A2ML1: variants seen among roughly 807,000 people sequenced by gnomAD.
A2ML1 encodes the protein alpha-2-macroglobulin like 1.
Under a neutral mutation model 181.9 loss-of-function variants are expected in A2ML1, and 161 were observed. The observed-to-expected ratio is 0.89, with a 90% CI of 0.78 to 1.01. A2ML1 has a LOEUF of 1.01. Ranked by LOEUF, A2ML1 falls within the 50% of genes least tolerant of loss-of-function variation. A2ML1 has a pLI of 0.00. For missense variants in A2ML1, 1,670 were observed against 1,768.1 expected, an observed-to-expected ratio of 0.94 and a Z score of 1.00; for synonymous variants, 663 against 666.8, an observed-to-expected ratio of 0.99 and a Z score of 0.09.
At position 8,851,867 on chromosome 12, in the gene A2ML1, C is replaced by T. The variant is rs1300164691; in HGVS notation, c.2318C>T (p.Ser773Leu). 2 of 1,614,104 alleles carry T rather than the reference C, an allele frequency of 1.2e-6. No homozygotes were observed. Among genetic ancestry groups the T allele is most frequent in the African/African-American group, 2.7e-5 (2 of 74,926 alleles). The part of the protein sequence containing the change: ...WKAMSFCTSQ[S>L]RGFGLSPTVG... ...GCGATGAGTTTCTGCACTTCCCAGTCAAGAGGCTTCGGGCTTTCACCCACT... is the reference window on the plus strand; with the variant it reads ...GCGATGAGTTTCTGCACTTCCCAGTTAAGAGGCTTCGGGCTTTCACCCACT... Residue 773 changes from serine (S) to leucine (L), a missense_variant, in exon 19 of 36, where the codon TCA becomes TTA. Transcript: ENST00000299698.
At chr12:8,864,163 T>C (rs1439921887) in intron 29 of A2ML1, among the ~76,000 whole-genome samples, 155 bp downstream of exon 29, 3 of 151,742 alleles carry the variant, frequency 2.0e-5, no homozygotes, top group African/African-American at 7.3e-5. Context: ...AAATGGGTTA[T>C]AAGAGCACAT....
At chr12:8,842,995 C>T (rs999184572) in intron 11 of A2ML1, 139 bp from the exon 12 acceptor site, 6 of 734,692 alleles carry the variant, frequency 8.2e-6, no homozygotes, top group Admixed American at 7.7e-5. Flanking sequence ...TTGGCTGGAC[C>T]GCTAATGAAA....
rs1354086443 is a variant in A2ML1, at chr12:8,867,992, A to G, written c.3868A>G (p.Thr1290Ala). 2.0e-5 allele frequency: 32 copies of G among 1,614,114 alleles called. 1 individual carries two copies. The highest frequency in any genetic ancestry group is 2.5e-5 in the Non-Finnish European group (29 of 1,180,058). ...TAACAGATTGGTATTTCAGCAGGAT[A>G]CCCTGCCCAATGTCCCTGGAATGTA... The part of the protein sequence containing the change: ...SVNRLVFQQD[T>A]LPNVPGMYTL... The change falls in exon 30 of 36, where the codon ACC becomes GCC. Residue 1290 changes from threonine (T) to alanine (A), a missense_variant. Thr to Ala is a moderately conservative substitution (Grantham distance 58). Coordinates refer to ENST00000299698, the MANE Select transcript of A2ML1 (RefSeq NM_144670.6).
At chr12:8,833,062 C>A (rs368194016) in intron 4 of A2ML1, among the ~76,000 whole-genome samples, 3 of 151,778 alleles carry the variant, frequency 2.0e-5, no homozygotes, top group Non-Finnish European at 2.9e-5. Context: ...CAACCTCCCC[C>A]TCCTGGGTTC....
chr12:8,845,030 A>G lies in A2ML1; in HGVS notation c.1477-412A>G, dbSNP rs376769678. ...ATGTCAGAAGGGCTCAGGGTGGTTT[A>G]GGATGAAATTATTTCCACTGAATTT... On this transcript the variant is annotated intron_variant, in intron 12 of 35. Coordinates refer to ENST00000299698, the MANE Select transcript of A2ML1 (RefSeq NM_144670.6). 2.3e-5 allele frequency: 33 copies of G among 1,432,196 alleles called. No homozygotes were observed. The South Asian group carries it at 4.2e-4, about 18-fold the overall frequency. 88.7% of individuals were successfully genotyped at this position (1,432,196 alleles called of 1,614,324 possible). A position where few individuals can be genotyped will look rare whatever the true frequency, so the allele number is the denominator to read the frequency against.
intron 3 of A2ML1, among the ~76,000 whole-genome samples, chr12:8,825,971 A>T (rs187609950): frequency 6.6e-6 from 1 of 152,180 alleles, no homozygotes. Context: ...TGACAGTACC[A>T]TGCTGTTTTG....
chr12:8,860,445 A>T (rs1327683052), intron 26 of A2ML1, among the ~76,000 whole-genome samples: 1 of 152,192 alleles, frequency 6.6e-6, no homozygotes, highest in African/African-American at 2.4e-5. Flanking sequence ...TTTCTGGGAA[A>T]GGCGATAAGC....
chr12:8,845,144 A>C (rs987194841), intron 12 of A2ML1: 4 of 1,487,358 alleles, frequency 2.7e-6, no homozygotes, highest in Non-Finnish European at 3.6e-6. Flanking sequence ...AAATTTGGAG[A>C]TCTTCAAGAA....
chr12:8,846,250 A>G (rs1943681549), intron 14 of A2ML1, 28 bp downstream of exon 14: 1 of 1,612,586 alleles, frequency 6.2e-7, no homozygotes, highest in Non-Finnish European at 8.5e-7. Context: ...AAGGGTGAAG[A>G]TAAAAGTTGG....
At chr12:8,839,059 G>A (rs1943380582) in intron 9 of A2ML1, 54 bp from the exon 10 acceptor site, 3 of 1,217,056 alleles carry the variant, frequency 2.5e-6, no homozygotes, top group South Asian at 2.7e-5. Context: ...CATTAAACGT[G>A]AAGATGAGAA....
At chr12:8,833,086 G>A (rs1382588443) in intron 4 of A2ML1, among the ~76,000 whole-genome samples, 2 of 148,190 alleles carry the variant, frequency 1.3e-5, no homozygotes, top group African/African-American at 2.5e-5. Flanking sequence ...GGATTCTCCC[G>A]CCTCAGCCTC....
At chr12:8,824,013 G>C in intron 3 of A2ML1, 131 bp downstream of exon 3, 1 of 1,033,702 alleles carries the variant, frequency 9.7e-7, no homozygotes. Context: ...AATCTGGGGG[G>C]ATTAAGTAGT....
In A2ML1 at chr12:8,846,149, A is replaced by G. The variant is rs1297426631; in HGVS notation, c.1610A>G (p.Tyr537Cys). 1 of 1,614,032 alleles carries G rather than the reference A, an allele frequency of 6.2e-7. No homozygotes were observed. The highest frequency in any genetic ancestry group is 2.2e-5 in the East Asian group (1 of 44,880). The change falls in exon 14 of 36, where the codon TAT becomes TGT. Residue 537 changes from tyrosine to cysteine, a missense_variant. Tyr to Cys is a radical substitution (Grantham distance 194, BLOSUM62 -2). Transcript: ENST00000299698. Reference sequence around the variant, plus strand: ...GCCCCTGATCCTTCCCTGGTGATCTATGCCATTTTTCCCAGTGGAGGTGTT... The same window carrying G: ...GCCCCTGATCCTTCCCTGGTGATCTGTGCCATTTTTCCCAGTGGAGGTGTT... ...RLAPDPSLVIYAIFPSGGVVA... is the reference protein window; with the variant it reads ...RLAPDPSLVICAIFPSGGVVA...
chr12:8,872,096 G>A (rs7132113), intron 33 of A2ML1, among the ~76,000 whole-genome samples: 7,038 of 151,628 alleles, frequency 0.046, 515 homozygotes, highest in African/African-American at 0.16. Flanking sequence ...CAAGAATGGC[G>A]TGAACCTGGG....
intron 10 of A2ML1, among the ~76,000 whole-genome samples, chr12:8,840,978 AGAAGGAAGGAAG>A (rs71045213): frequency 8.0e-6 from 1 of 125,292 alleles, no homozygotes; most frequent in Non-Finnish European, 1.6e-5. Flanking sequence ...AAGGAAGGAA[AGAAGGAAGGAAG>A]GAAGGAAGGA....
At chr12:8,879,358 G>A (rs1451919416), downstream of A2ML1, among the ~76,000 whole-genome samples, 1 of 151,874 alleles carries the variant, frequency 6.6e-6, no homozygotes, top group Non-Finnish European at 1.5e-5. Flanking sequence ...GGGCGTGGTG[G>A]CATGCGCCTG....
chr12:8,862,544 A>G (rs763927739), intron 28 of A2ML1, among the ~76,000 whole-genome samples: 1 of 152,360 alleles, frequency 6.6e-6, no homozygotes, highest in Non-Finnish European at 1.5e-5. Flanking sequence ...GAAGTATGAC[A>G]GATCTTGTAA....
rs1480425071 is a variant in A2ML1 at position 8,845,566 on chromosome 12, G to A, written c.1537+64G>A. 4 of 1,566,442 alleles carry A rather than the reference G, an allele frequency of 2.6e-6. No individual in the cohort carries two copies. The African/African-American group carries it at 4.1e-5, about 16-fold the overall frequency. ...TTTTAAATTCCAGAAAACAATTCTT[G>A]GCCAGGCGCGGTGGCTCATGCCTGT... On this transcript the variant is annotated intron_variant, in intron 13 of 35. Transcript: ENST00000299698.
At chr12:8,882,979 C>T (rs1422363922) in intron 7 of A2ML1, among the ~76,000 whole-genome samples, 1 of 152,122 alleles carries the variant, frequency 6.6e-6, no homozygotes, top group Admixed American at 6.6e-5. Context: ...TTCAGGAACA[C>T]GGAACATTTG....
Sources: gnomAD v4.1 joint callset for allele counts (sites outside exome capture counted in the v4.1 genomes callset) on GRCh38, gnomAD v4.1.1 for gene constraint, MANE v1.5 for transcripts, NCBI Gene and HGNC (gene_info 2026-07-23, HGNC 2026-07-21) for gene names.